ETF1: variants seen among roughly 807,000 people sequenced by gnomAD.
ETF1 encodes eukaryotic peptide chain release factor subunit 1.
Under a neutral mutation model 55.1 loss-of-function variants are expected in ETF1, and 4 were observed. That is an observed-to-expected ratio of 0.07 (90% CI 0.04 to 0.17). The LOEUF (loss-of-function observed/expected upper bound fraction) is 0.17, where lower values mean the gene tolerates loss of function less well. ETF1 is among the 10% of genes least tolerant of loss of function. The probability of loss-of-function intolerance (pLI) is 1.00; values close to 1 mark genes in which losing one functional copy is unlikely to be tolerated. For missense variants in ETF1, 142 were observed against 523.6 expected (o/e 0.27, Z 7.11); for synonymous variants, 157 against 182.3 (o/e 0.86, Z 1.12).
At chr5:138,536,826 T>A (rs989964458) in intron 2 of ETF1, among the ~76,000 whole-genome samples, 1 of 152,060 alleles carries the variant, frequency 6.6e-6, no homozygotes, top group African/African-American at 2.4e-5. Context: ...ACTGGGCCGA[T>A]CCTCAATCTC....
intron 2 of ETF1, among the ~76,000 whole-genome samples, chr5:138,526,221 T>C (rs1433963609): frequency 2.0e-5 from 3 of 151,986 alleles, no homozygotes; most frequent in Non-Finnish European, 4.4e-5. Context: ...GAAAAAGAAA[T>C]CAGAAAGCTG....
chr5:138,529,326 A>AT (rs1455770994), intron 2 of ETF1, among the ~76,000 whole-genome samples: 1 of 152,354 alleles, frequency 6.6e-6, no homozygotes, highest in East Asian at 1.9e-4. Flanking sequence ...GAATACTTCC[A>AT]TGTCTTTTAA....
At chr5:138,524,967 T>G (rs1198349891) in intron 2 of ETF1, among the ~76,000 whole-genome samples, 1 of 152,014 alleles carries the variant, frequency 6.6e-6, no homozygotes, top group Non-Finnish European at 1.5e-5. Flanking sequence ...GAAGATGGTA[T>G]ACAAAATACA....
chr5:138,543,054 G>C, intron 1 of ETF1, 43 bp downstream of exon 1: 8 of 873,540 alleles, frequency 9.2e-6, no homozygotes, highest in Non-Finnish European at 1.4e-5. Flanking sequence ...GTCCGGTGCA[G>C]CTCGCCACAA....
At position 138,531,821 on chromosome 5, in the gene ETF1, C is replaced by T. The variant is rs187171221; in HGVS notation, c.86+11012G>A. Among the ~76,000 whole-genome samples the T allele has an allele frequency of 2.3e-3, 351 of 152,230 alleles. 4 individuals carry two copies. Among genetic ancestry groups the T allele is most frequent in the South Asian group, 1.0e-3 (5 of 4,822 alleles). The stretch of plus-strand genomic sequence containing the variant: ...CAGCACTTTGGGAGGCCAAGGTGGG[C>T]GGATCACGAGGTCAGGAGATTGAGA... On this transcript the variant is annotated intron_variant, in intron 2 of 10. Transcript: ENST00000360541.
chr5:138,531,353 T>C (rs75827963), intron 2 of ETF1, among the ~76,000 whole-genome samples: 2,182 of 152,270 alleles, frequency 0.014, 34 homozygotes, highest in Middle Eastern at 0.058. Context: ...GAGCAGGCCC[T>C]TACCAGAACA....
intron 3 of ETF1, among the ~76,000 whole-genome samples, chr5:138,518,203 CAAAAAAAA>C (rs35745884): frequency 1.2e-5 from 1 of 80,432 alleles, no homozygotes; most frequent in African/African-American, 4.8e-5. Flanking sequence ...TGTCTCATCC[CAAAAAAAA>C]AAAAAAAAAA....
At chr5:138,542,768 G>A in intron 2 of ETF1, 65 bp downstream of exon 2, 2 of 1,590,440 alleles carry the variant, frequency 1.3e-6, no homozygotes, top group South Asian at 2.3e-5. Context: ...ATGCGGCGCG[G>A]GGGCGTCCAT....
At chr5:138,541,331 T>C (rs916960427) in intron 2 of ETF1, among the ~76,000 whole-genome samples, 1 of 152,228 alleles carries the variant, frequency 6.6e-6, no homozygotes, top group Non-Finnish European at 1.5e-5. Flanking sequence ...CTGGATATTC[T>C]ATTGAATTCA....
intron 2 of ETF1, among the ~76,000 whole-genome samples, chr5:138,521,295 A>G (rs1482714613): frequency 1.3e-5 from 2 of 152,202 alleles, no homozygotes; most frequent in African/African-American, 4.8e-5. Flanking sequence ...AGAGACAGAG[A>G]GTAGAAATGC....
intron 2 of ETF1, chr5:138,529,501 A>G (rs2127111424): frequency 1.7e-6 from 1 of 584,554 alleles, no homozygotes; most frequent in Middle Eastern, 8.8e-4. Context: ...CATGGGGTAC[A>G]GCAATGTGTC....
At chr5:138,522,159 C>A (rs956362520) in intron 2 of ETF1, among the ~76,000 whole-genome samples, 3 of 151,836 alleles carry the variant, frequency 2.0e-5, no homozygotes, top group African/African-American at 7.3e-5. Context: ...CTCAAAAAAA[C>A]CCAAAAACCG....
chr5:138,508,573 A>T, intron 10 of ETF1, 96 bp downstream of exon 10: 1 of 1,565,454 alleles, frequency 6.4e-7, no homozygotes, highest in Non-Finnish European at 8.6e-7. Flanking sequence ...CCCAGCAGAT[A>T]ATAAGCACCT....
intron 2 of ETF1, among the ~76,000 whole-genome samples, chr5:138,535,117 A>AT (rs1184298657): frequency 2.6e-5 from 4 of 151,212 alleles, no homozygotes; most frequent in African/African-American, 9.7e-5. Flanking sequence ...CACCCAACTA[A>AT]TTTTTTTATT....
chr5:138,532,735 A>G (rs972421881), intron 2 of ETF1, among the ~76,000 whole-genome samples: 5 of 152,204 alleles, frequency 3.3e-5, no homozygotes, highest in Admixed American at 1.3e-4. Flanking sequence ...ACCAAAAATA[A>G]TATGGCCAGA....
chr5:138,519,943 T>A (rs572372836), intron 2 of ETF1, among the ~76,000 whole-genome samples: 1 of 149,772 alleles, frequency 6.7e-6, no homozygotes, highest in East Asian at 2.0e-4. Context: ...ATGTTGAGCA[T>A]TTTTTTCATA....
intron 6 of ETF1, 183 bp downstream of exon 6, chr5:138,512,581 A>T: frequency 2.1e-6 from 1 of 486,968 alleles, no homozygotes; most frequent in South Asian, 3.8e-5. Context: ...TCAGAAGAGA[A>T]GGGGTTCAGA....
At chr5:138,539,460 G>A (rs565710589) in intron 2 of ETF1, among the ~76,000 whole-genome samples, 28 of 152,328 alleles carry the variant, frequency 1.8e-4, no homozygotes, top group African/African-American at 6.7e-4. Flanking sequence ...TAAGCCAACT[G>A]TGGAGCATAT....
At chr5:138,524,280 G>A (rs1765363384) in intron 2 of ETF1, among the ~76,000 whole-genome samples, 1 of 151,864 alleles carries the variant, frequency 6.6e-6, no homozygotes. Flanking sequence ...TCGAACCTGG[G>A]AGATGGAGGT....
Sources: allele counts gnomAD v4.1 joint callset (sites outside exome capture counted in the v4.1 genomes callset), GRCh38; gene constraint gnomAD v4.1.1; transcripts MANE v1.5; gene names NCBI Gene and HGNC (gene_info 2026-07-23, HGNC 2026-07-21).